Variants in DISP1 observed in about 807,000 individuals in gnomAD.
DISP1 encodes the protein protein dispatched homolog 1.
Under a neutral mutation model 37.3 loss-of-function variants are expected in DISP1, and 30 were observed. The observed-to-expected ratio is 0.80, with a 90% CI of 0.60 to 1.09. The LOEUF (loss-of-function observed/expected upper bound fraction) is 1.09, where lower values mean the gene tolerates loss of function less well. DISP1 is among the 50% of genes least tolerant of loss of function. The probability of loss-of-function intolerance (pLI) is 0.00; values close to 1 mark genes in which losing one functional copy is unlikely to be tolerated. For synonymous variants in DISP1, 634 were observed against 690.2 expected, an observed-to-expected ratio of 0.92 and a Z score of 1.28; for missense variants, 1,598 against 1,879.5, an observed-to-expected ratio of 0.85 and a Z score of 2.77.
At chr1:222,917,394 G>A (rs116039976) in intron 1 of DISP1, among the ~76,000 whole-genome samples, 1,787 of 152,202 alleles carry the variant, frequency 0.012, 31 homozygotes, top group African/African-American at 0.041. Flanking sequence ...ATAGGGACTT[G>A]AATGAGGAAG....
At chr1:222,819,064 A>G (rs937002324) in intron 1 of DISP1, among the ~76,000 whole-genome samples, 1 of 152,124 alleles carries the variant, frequency 6.6e-6, no homozygotes, top group Non-Finnish European at 1.5e-5. Context: ...GGTGGTTTCT[A>G]ATGGTTTAGC....
At chr1:222,975,672 G>A (rs1473981447) in intron 3 of DISP1, among the ~76,000 whole-genome samples, 1 of 151,966 alleles carries the variant, frequency 6.6e-6, no homozygotes, top group Non-Finnish European at 1.5e-5. Context: ...AGTCTCATTA[G>A]TTGTCCTCTT....
chr1:222,929,499 T>A (rs577918520), intron 2 of DISP1, among the ~76,000 whole-genome samples: 1 of 152,204 alleles, frequency 6.6e-6, no homozygotes, highest in East Asian at 1.9e-4. Context: ...GTTAAAAAAA[T>A]TTTACAAATA....
chr1:222,914,204 C>T (rs1390242210), intron 1 of DISP1, among the ~76,000 whole-genome samples: 1 of 152,038 alleles, frequency 6.6e-6, no homozygotes, highest in African/African-American at 2.4e-5. Context: ...TATGCAAATA[C>T]TCAGTTGGAC....
chr1:222,816,776 A>C (rs1661344193), intron 1 of DISP1, among the ~76,000 whole-genome samples: 1 of 152,230 alleles, frequency 6.6e-6, no homozygotes, highest in African/African-American at 2.4e-5. Context: ...ATATTGAATA[A>C]GTTTTCAAAT....
chr1:222,824,467 C>T (rs1663778352), intron 1 of DISP1, among the ~76,000 whole-genome samples: 1 of 152,184 alleles, frequency 6.6e-6, no homozygotes, highest in Non-Finnish European at 1.5e-5. Flanking sequence ...ATTTCAAAAG[C>T]ACCTTAAATG....
At chr1:222,875,576 T>C (rs1669915053) in intron 1 of DISP1, among the ~76,000 whole-genome samples, 1 of 147,962 alleles carries the variant, frequency 6.8e-6, no homozygotes, top group South Asian at 2.1e-4. Flanking sequence ...CCTAGCACTT[T>C]GGGAGGCTGA....
At chr1:222,858,946 C>G (rs1245635319) in intron 1 of DISP1, among the ~76,000 whole-genome samples, 3 of 152,008 alleles carry the variant, frequency 2.0e-5, no homozygotes, top group Non-Finnish European at 4.4e-5. Context: ...GATCTAGAAC[C>G]AAAATATCAT....
At chr1:222,890,785 C>T (rs994962808) in intron 1 of DISP1, among the ~76,000 whole-genome samples, 3 of 152,076 alleles carry the variant, frequency 2.0e-5, no homozygotes, top group Non-Finnish European at 2.9e-5. Flanking sequence ...ATGCCTCTCT[C>T]TTATCTTCTG....
chr1:222,846,825 T>C (rs1299830851), intron 1 of DISP1, among the ~76,000 whole-genome samples: 3 of 152,274 alleles, frequency 2.0e-5, no homozygotes, highest in African/African-American at 7.2e-5. Flanking sequence ...TGTATACATG[T>C]TGAGGAATAG....
At position 223,002,641 on chromosome 1, in the gene DISP1, C is replaced by T. The variant is rs746577969; in HGVS notation, c.1244C>T (p.Pro415Leu). The T allele has an allele frequency of 1.4e-5, 22 of 1,614,064 alleles. No individual in the cohort carries two copies. The highest frequency in any genetic ancestry group is 1.8e-5 in the Non-Finnish European group (21 of 1,180,046). The change falls in exon 9 of 9, where the codon CCA (proline) becomes CTA (leucine). Residue 415 changes from proline (P) to leucine (L), a missense_variant. By Grantham distance (98) the Pro-to-Leu change is moderately conservative (BLOSUM62 -3). Transcript: ENST00000675850. ...GACCAGCTCAAGTGCACCAATGTGC[C>T]ACGCAAATGTACCAAGTACAATGCT... ...RKDQLKCTNV[P>L]RKCTKYNAVY...
At chr1:222,980,209 T>C (rs1240640321) in intron 3 of DISP1, among the ~76,000 whole-genome samples, 1 of 152,250 alleles carries the variant, frequency 6.6e-6, no homozygotes, top group Non-Finnish European at 1.5e-5. Flanking sequence ...TACTATTAGA[T>C]ATTTAAGGAA....
intron 1 of DISP1, among the ~76,000 whole-genome samples, chr1:222,880,012 G>T (rs983515278): frequency 6.6e-6 from 1 of 151,866 alleles, no homozygotes; most frequent in Non-Finnish European, 1.5e-5. Context: ...AAAAAGTCTT[G>T]CATCAAAGGT....
chr1:222,922,113 T>C (rs1306803353), intron 1 of DISP1, among the ~76,000 whole-genome samples: 1 of 152,124 alleles, frequency 6.6e-6, no homozygotes, highest in Non-Finnish European at 1.5e-5. Context: ...AGGGTGTGTG[T>C]GAAAGCTTGT....
chr1:222,910,677 G>A lies in DISP1; in HGVS notation c.-158-17753G>A, dbSNP rs574408654. 4.6e-5 allele frequency among the ~76,000 whole-genome samples: 7 copies of A among 152,324 alleles called. No individual in the cohort carries two copies. In the South Asian group the frequency reaches 1.4e-3, roughly 32 times the overall value. ...TTAAGATACTGCAAATGTCCAATAT[G>A]TCCAATAGGACCTTGTTGTTAGGTA... is the stretch of plus-strand genomic sequence containing the variant. On this transcript the variant is annotated intron_variant, in intron 1 of 8. Transcript: ENST00000675850.
At chr1:222,917,100 T>G (rs994217882) in intron 1 of DISP1, among the ~76,000 whole-genome samples, 1 of 152,232 alleles carries the variant, frequency 6.6e-6, no homozygotes, top group African/African-American at 2.4e-5. Flanking sequence ...TTCTCTCTGC[T>G]CCTTCTACCC....
At chr1:222,883,485 C>T (rs146037254) in intron 1 of DISP1, among the ~76,000 whole-genome samples, 8,303 of 152,234 alleles carry the variant, frequency 0.055, 339 homozygotes, top group Non-Finnish European at 0.08. Flanking sequence ...GGCGTGGTGG[C>T]ACATGCCTGT....
At chr1:222,906,662 A>T (rs1056034038) in intron 1 of DISP1, among the ~76,000 whole-genome samples, 4 of 152,234 alleles carry the variant, frequency 2.6e-5, no homozygotes, top group African/African-American at 4.8e-5. Flanking sequence ...CAACATCAGG[A>T]AGTTACCCTA....
intron 3 of DISP1, among the ~76,000 whole-genome samples, chr1:222,954,087 TA>T (rs368016437): frequency 0.019 from 2,797 of 150,064 alleles, 81 homozygotes; most frequent in African/African-American, 0.065. Flanking sequence ...TCTTTTTGGT[TA>T]AAAAAAAAAT....
Sources: allele counts gnomAD v4.1 joint callset (sites outside exome capture counted in the v4.1 genomes callset), GRCh38; gene constraint gnomAD v4.1.1; transcripts MANE v1.5; gene names NCBI Gene and HGNC (gene_info 2026-07-23, HGNC 2026-07-21).